The following NPIPB2 variants were observed in gnomAD, a reference collection of about 807,000 sequenced individuals.
NPIPB2 encodes nuclear pore complex interacting protein family member B2.
In NPIPB2, 27 loss-of-function variants were observed where a neutral mutation model predicts 30.8. That is an observed-to-expected ratio of 0.88 (90% CI 0.65 to 1.21). The LOEUF (loss-of-function observed/expected upper bound fraction) is 1.21, where lower values mean the gene tolerates loss of function less well. NPIPB2 is among the 50% of genes most tolerant of loss of function. The pLI, the probability that NPIPB2 is intolerant of heterozygous loss-of-function variation, is 0.00. For missense variants in NPIPB2, 440 were observed against 446.2 expected, an observed-to-expected ratio of 0.99 and a Z score of 0.13; for synonymous variants, 147 against 162.0, an observed-to-expected ratio of 0.91 and a Z score of 0.70.
chr16:11,937,793 G>A (rs954284666), intron 1 of NPIPB2, 125 bp from the exon 2 acceptor site: 16 of 1,433,392 alleles, frequency 1.1e-5, no homozygotes, highest in South Asian at 1.3e-5. Flanking sequence ...AGATATCACC[G>A]TGGGATTCCA....
intron 1 of NPIPB2, among the ~76,000 whole-genome samples, chr16:11,954,516 T>C (rs1428036264): frequency 6.6e-6 from 1 of 151,444 alleles, no homozygotes; most frequent in East Asian, 1.9e-4. Flanking sequence ...GAATGTTAAC[T>C]TTAAAAAGAC....
chr16:11,955,650 G>C (rs1269977514), intron 1 of NPIPB2, among the ~76,000 whole-genome samples: 1 of 151,424 alleles, frequency 6.6e-6, no homozygotes, highest in Admixed American at 6.6e-5. Flanking sequence ...GAACCTGAGA[G>C]GCAGAGGTTG....
At chr16:11,960,313 G>A (rs918479195) in intron 1 of NPIPB2, among the ~76,000 whole-genome samples, 2 of 150,752 alleles carry the variant, frequency 1.3e-5, no homozygotes, top group East Asian at 1.9e-4. Flanking sequence ...AGTTAGCAAA[G>A]CTTTCTTCCC....
chr16:11,962,827 G>T (rs2055163845), intron 1 of NPIPB2, among the ~76,000 whole-genome samples: 1 of 152,032 alleles, frequency 6.6e-6, no homozygotes, highest in Non-Finnish European at 1.5e-5. Context: ...TCAGCACTTT[G>T]GGAGGCCAAG....
chr16:11,932,759 G>A (rs1418338987), intron 4 of NPIPB2, among the ~76,000 whole-genome samples: 5 of 88,862 alleles, frequency 5.6e-5, no homozygotes, highest in African/African-American at 2.3e-4. Flanking sequence ...CTGGGTGACA[G>A]AGTGAGACTC....
At chr16:11,948,999 G>A (rs1039676101) in intron 1 of NPIPB2, among the ~76,000 whole-genome samples, 5 of 151,682 alleles carry the variant, frequency 3.3e-5, no homozygotes, top group Non-Finnish European at 5.9e-5. Context: ...TTAGCTGGGT[G>A]TGGTGCCTGC....
intron 1 of NPIPB2, among the ~76,000 whole-genome samples, chr16:11,951,614 G>GCA (rs879567544): frequency 1.0e-5 from 1 of 99,930 alleles, no homozygotes; most frequent in African/African-American, 3.5e-5. Context: ...GATGGACACT[G>GCA]CACATACACA....
At position 11,975,669 on chromosome 16, in the gene NPIPB2, A is replaced by C. The variant is rs147324529; in HGVS notation, c.-584+899T>G. Among the ~76,000 whole-genome samples, 451 of 148,008 alleles carry C rather than the reference A, an allele frequency of 3.0e-3. 3 individuals are homozygous for C. Among genetic ancestry groups the C allele is most frequent in the Non-Finnish European group, 4.1e-3 (270 of 66,590 alleles). Reference sequence around the variant, plus strand: ...GCAGTGGTGGGATCTCGGCTCACTGAAACCTCTGCCTCCCGGGTTCAAGCA... The same window carrying C: ...GCAGTGGTGGGATCTCGGCTCACTGCAACCTCTGCCTCCCGGGTTCAAGCA... On this transcript the variant is annotated intron_variant, in intron 1 of 5. Transcript: ENST00000538896.
chr16:11,959,004 G>A (rs1395786502), intron 1 of NPIPB2, among the ~76,000 whole-genome samples: 1 of 152,168 alleles, frequency 6.6e-6, no homozygotes, highest in African/African-American at 2.4e-5. Flanking sequence ...CTCGTAGAGG[G>A]GTTTAGTTTG....
intron 1 of NPIPB2, among the ~76,000 whole-genome samples, chr16:11,947,529 A>G (rs1050714015): frequency 5.9e-5 from 9 of 151,466 alleles, no homozygotes; most frequent in African/African-American, 2.2e-4. Flanking sequence ...TACTTTTAGT[A>G]GAGACGGGGT....
intron 1 of NPIPB2, chr16:11,967,649 C>T (rs776988503): frequency 1.6e-5 from 26 of 1,613,996 alleles, no homozygotes; most frequent in South Asian, 1.4e-4. Context: ...CGAGAGGCCT[C>T]GAGTACACGG....
intron 1 of NPIPB2, among the ~76,000 whole-genome samples, chr16:11,958,084 T>C (rs2055125258): frequency 6.6e-6 from 1 of 152,126 alleles, no homozygotes; most frequent in Non-Finnish European, 1.5e-5. Context: ...ACATTGTCTT[T>C]ATTGAGTCAC....
Position 11,969,627 on chromosome 16 carries a change from C to T in NPIPB2, c.-584+6941G>A, listed in dbSNP as rs140539483. Among the ~76,000 whole-genome samples, 105 of 152,288 alleles carry T rather than the reference C, an allele frequency of 6.9e-4. 2 individuals are homozygous for T. The East Asian group carries it at 0.017, about 25-fold the overall frequency. ...CAGGAGAAGCCTAGAATCAACCAGA[C>T]GAATTCAGTGTGCAGTGCACAGGTG... On this transcript the variant is annotated intron_variant, in intron 1 of 5. Coordinates refer to the NPIPB2 transcript ENST00000538896.
In NPIPB2 at chr16:11,930,520, C is replaced by A. The variant is rs2054777315; in HGVS notation, c.520G>T (p.Glu174Ter). Residue 174 changes from glutamate to a stop codon, truncating the protein, a stop_gained, in exon 5 of 8, where the codon GAA becomes TAA. Transcript: ENST00000399147. LOFTEE classifies it high-confidence loss of function. ...GCCTCTGACACCTGCCTCTCCTTTT[C>A]TGCATGCTCACATTCTTTCACGCTT... 2 of 1,588,676 alleles carry A rather than the reference C, an allele frequency of 1.3e-6. No individual in the cohort carries two copies. The highest frequency in any genetic ancestry group is 1.7e-6 in the Non-Finnish European group (2 of 1,176,306).
chr16:11,927,489 CCTCAGCGGCCCTCCGCCT>C (rs767338740), exon 8 of NPIPB2: 12 of 1,294,794 alleles, frequency 9.3e-6, no homozygotes, highest in Middle Eastern at 2.0e-4. Flanking sequence ...GGTGATTCCA[CCTCAGCGGCCCTCCGCCT>C]CTTGGGTTCG....
rs368234164 is a variant in NPIPB2, at chr16:11,963,057, AAAACAAACAAAC to A, written c.-584+13499_-584+13510del. ...TGGCAACAGAGGGAGACTCCATCTC[AAAACAAACAAAC>A]AAACAAACAAACAAATAAATAAAAA... On this transcript the variant is annotated intron_variant, in intron 1 of 5. Transcript: ENST00000538896. 4.6e-5 allele frequency among the ~76,000 whole-genome samples: 7 copies of A among 151,990 alleles called. No individual in the cohort carries two copies. In the East Asian group the frequency reaches 9.6e-4, roughly 21 times the overall value.
At chr16:11,953,467 C>T (rs2055085499) in intron 1 of NPIPB2, among the ~76,000 whole-genome samples, 1 of 152,204 alleles carries the variant, frequency 6.6e-6, no homozygotes, top group Admixed American at 6.6e-5. Context: ...TCTCCTGCCT[C>T]AGCCTCTCGA....
At chr16:11,962,410 CA>C in intron 1 of NPIPB2, among the ~76,000 whole-genome samples, 1 of 151,578 alleles carries the variant, frequency 6.6e-6, no homozygotes, top group East Asian at 2.0e-4. Flanking sequence ...AGATCGAGAC[CA>C]TCCTGGCTAA....
intron 1 of NPIPB2, among the ~76,000 whole-genome samples, chr16:11,958,243 T>C (rs565889902): frequency 2.6e-5 from 4 of 151,640 alleles, no homozygotes; most frequent in African/African-American, 9.7e-5. Flanking sequence ...CTGGCCAACA[T>C]AGCAAAACCT....
Sources: gnomAD v4.1 joint callset for allele counts (sites outside exome capture counted in the v4.1 genomes callset) on GRCh38, gnomAD v4.1.1 for gene constraint, MANE v1.5 for transcripts, NCBI Gene and HGNC (gene_info 2026-07-23, HGNC 2026-07-21) for gene names.